Variants in EVI5 observed in about 807,000 individuals in gnomAD.
The protein encoded by EVI5 is ecotropic viral integration site 5 protein homolog.
A neutral mutation model predicts 112.0 loss-of-function variants in EVI5; 73 were observed. The ratio of observed to expected loss-of-function variants is 0.65; its 90% confidence interval spans 0.54 to 0.79. EVI5 has a LOEUF of 0.79. Ranked by LOEUF, EVI5 falls within the 30% of genes least tolerant of loss-of-function variation. The pLI is 0.00. For missense variants in EVI5, 900 were observed against 968.8 expected (o/e 0.93, Z 0.94); for synonymous variants, 305 against 319.9 (o/e 0.95, Z 0.50).
At chr1:92,720,211 T>C (rs1179302639) in intron 2 of EVI5, among the ~76,000 whole-genome samples, 3 of 152,070 alleles carry the variant, frequency 2.0e-5, no homozygotes, top group Non-Finnish European at 4.4e-5. Context: ...AGAGCCCACA[T>C]TGCCGAAACA....
At chr1:92,666,034 A>AG in intron 10 of EVI5, 42 bp from the exon 11 acceptor site, 11 of 1,293,776 alleles carry the variant, frequency 8.5e-6, no homozygotes, top group Admixed American at 4.1e-5. Context: ...CATTTTTGAG[A>AG]GGAAAAAAAA....
At chr1:92,671,187 C>T (rs533768493) in intron 10 of EVI5, among the ~76,000 whole-genome samples, 1 of 152,260 alleles carries the variant, frequency 6.6e-6, no homozygotes, top group African/African-American at 2.4e-5. Context: ...CCATTCTGCT[C>T]CACTCGTTTC....
chr1:92,772,855 G>A (rs1358592045), intron 1 of EVI5, among the ~76,000 whole-genome samples: 3 of 146,426 alleles, frequency 2.0e-5, no homozygotes, highest in Non-Finnish European at 4.5e-5. Flanking sequence ...GTACTGAGCC[G>A]AGATTGCACC....
chr1:92,561,653 CTAT>C (rs1557790730), intron 19 of EVI5, among the ~76,000 whole-genome samples: 2 of 149,252 alleles, frequency 1.3e-5, no homozygotes, highest in African/African-American at 5.0e-5. Flanking sequence ...ATCTATCTAT[CTAT>C]CTATCTATCA....
At position 92,629,698 on chromosome 1, in the gene EVI5, G is replaced by A. The variant is rs180805769; in HGVS notation, c.1528-3764C>T. Reference sequence around the variant, plus strand: ...TCTTTTATTATACTTTAAGTTTTAGGGTACATGTGCACAATGTGCAGGTTT... The same window carrying A: ...TCTTTTATTATACTTTAAGTTTTAGAGTACATGTGCACAATGTGCAGGTTT... On this transcript the variant is annotated intron_variant, in intron 14 of 19. Transcript: ENST00000684568. Among the ~76,000 whole-genome samples, 116 of 151,734 alleles carry A rather than the reference G, an allele frequency of 7.6e-4. 2 individuals are homozygous for A. The East Asian group carries it at 0.02, about 26-fold the overall frequency.
intron 16 of EVI5, among the ~76,000 whole-genome samples, chr1:92,616,144 A>C (rs577237679): frequency 6.6e-6 from 1 of 152,310 alleles, no homozygotes; most frequent in East Asian, 1.9e-4. Flanking sequence ...TGGAATCCAA[A>C]GGCTTAGGGA....
intron 13 of EVI5, among the ~76,000 whole-genome samples, chr1:92,652,262 T>C (rs984517212): frequency 1.2e-4 from 18 of 152,316 alleles, no homozygotes; most frequent in African/African-American, 4.3e-4. Flanking sequence ...ACAAATATTA[T>C]GTGCTTCCAC....
intron 19 of EVI5, among the ~76,000 whole-genome samples, chr1:92,542,412 T>A (rs1340442810): frequency 6.6e-6 from 1 of 152,202 alleles, no homozygotes; most frequent in Non-Finnish European, 1.5e-5. Context: ...CTGCAGTGAC[T>A]TCCTCCACTG....
intron 19 of EVI5, among the ~76,000 whole-genome samples, chr1:92,554,850 G>A (rs146124737): frequency 1.7e-3 from 255 of 152,130 alleles, no homozygotes; most frequent in African/African-American, 5.9e-3. Context: ...GTGCAGTCTC[G>A]CACACCTGTA....
At chr1:92,711,073 G>A (rs922135330) in intron 2 of EVI5, among the ~76,000 whole-genome samples, 3 of 152,134 alleles carry the variant, frequency 2.0e-5, no homozygotes, top group Non-Finnish European at 4.4e-5. Context: ...AATAGCTTGT[G>A]TATGGCAGCA....
chr1:92,688,460 T>C (rs1668934142), intron 9 of EVI5, among the ~76,000 whole-genome samples: 1 of 152,216 alleles, frequency 6.6e-6, no homozygotes, highest in Non-Finnish European at 1.5e-5. Context: ...CAGGAGCAAG[T>C]CATTCTGAAA....
At chr1:92,730,683 CAA>C (rs1226099468) in intron 2 of EVI5, among the ~76,000 whole-genome samples, 27 of 59,714 alleles carry the variant, frequency 4.5e-4, no homozygotes, top group Admixed American at 1.7e-4. Flanking sequence ...CCTTCTCTCA[CAA>C]AAAAAAAAAA....
At chr1:92,593,695 T>G (rs1389857451) in intron 18 of EVI5, among the ~76,000 whole-genome samples, 2 of 152,156 alleles carry the variant, frequency 1.3e-5, no homozygotes, top group African/African-American at 4.8e-5. Context: ...CAAAATCTCC[T>G]TAAGCTGATA....
chr1:92,778,545 A>G (rs1684450389), intron 1 of EVI5, among the ~76,000 whole-genome samples: 1 of 152,092 alleles, frequency 6.6e-6, no homozygotes, highest in Non-Finnish European at 1.5e-5. Context: ...GTTCCCAGAT[A>G]CTGACAACCA....
At chr1:92,521,280 TA>T (rs977473822) in intron 19 of EVI5, among the ~76,000 whole-genome samples, 3 of 152,198 alleles carry the variant, frequency 2.0e-5, no homozygotes, top group African/African-American at 7.2e-5. Flanking sequence ...CTTCTTTTTG[TA>T]AAAGCCTTTT....
chr1:92,751,013 G>A (rs1457986212), intron 1 of EVI5, among the ~76,000 whole-genome samples: 2 of 152,168 alleles, frequency 1.3e-5, no homozygotes, highest in Non-Finnish European at 1.5e-5. Context: ...AGCCAGGCAT[G>A]GTGGCGGGCA....
chr1:92,729,620 A>T (rs966098519), intron 2 of EVI5, among the ~76,000 whole-genome samples: 1 of 152,192 alleles, frequency 6.6e-6, no homozygotes, highest in African/African-American at 2.4e-5. Flanking sequence ...CTTAGATCAA[A>T]TGGTATAGTA....
In EVI5 at chr1:92,677,239, A is replaced by G. The variant is rs201995113; in HGVS notation, c.1098-21T>C. 58 of 1,343,448 alleles carry G rather than the reference A, an allele frequency of 4.3e-5. No homozygotes were observed. In the South Asian group the frequency reaches 5.8e-4, roughly 13 times the overall value. 83.2% of individuals were successfully genotyped at this position (1,343,448 alleles called of 1,614,324 possible). A position where few individuals can be genotyped will look rare whatever the true frequency, so the allele number is the denominator to read the frequency against. ...CAAGCCTAAGAAAGGAAAAAAAAAGAGTTAAAGGTAATGTTTTCATTCAAA... is the reference window on the plus strand; with the variant it reads ...CAAGCCTAAGAAAGGAAAAAAAAAGGGTTAAAGGTAATGTTTTCATTCAAA... On this transcript the variant is annotated intron_variant, in intron 9 of 19. Transcript: ENST00000684568.
intron 2 of EVI5, chr1:92,714,016 C>A (rs1673234672): frequency 1.0e-6 from 1 of 984,332 alleles, no homozygotes; most frequent in Non-Finnish European, 1.2e-6. Context: ...TTCATCTCTG[C>A]CAAAGCCTTT....
Sources: gnomAD v4.1 joint callset for allele counts (sites outside exome capture counted in the v4.1 genomes callset) on GRCh38, gnomAD v4.1.1 for gene constraint, MANE v1.5 for transcripts, NCBI Gene and HGNC (gene_info 2026-07-23, HGNC 2026-07-21) for gene names.